The following CA10 variants were observed in gnomAD, a reference collection of about 807,000 sequenced individuals.
The protein encoded by CA10 is carbonic anhydrase-related protein 10.
In CA10, 14 loss-of-function variants were observed where a neutral mutation model predicts 44.2. That is an observed-to-expected ratio of 0.32 (90% CI 0.21 to 0.50). CA10 has a LOEUF of 0.50. Among genes scored for constraint, CA10 ranks in the 20% least tolerant of loss-of-function variants. The pLI is 0.99. For synonymous variants in CA10, 159 were observed against 141.6 expected, an observed-to-expected ratio of 1.12 and a Z score of -0.87; for missense variants, 350 against 409.7, an observed-to-expected ratio of 0.85 and a Z score of 1.26.
chr17:51,870,317 T>G (rs1979744724), intron 3 of CA10, among the ~76,000 whole-genome samples: 1 of 152,228 alleles, frequency 6.6e-6, no homozygotes. Context: ...TTGCCCATCA[T>G]GAAAGAGCTG....
At chr17:52,085,552 C>T (rs1988095265) in intron 1 of CA10, among the ~76,000 whole-genome samples, 2 of 152,178 alleles carry the variant, frequency 1.3e-5, no homozygotes, top group African/African-American at 4.8e-5. Flanking sequence ...GCAAGTGTTC[C>T]AATGAAACTT....
Position 51,649,173 on chromosome 17 carries a change from C to G in CA10, c.634+9G>C. On this transcript the variant is annotated intron_variant, in intron 6 of 8. Transcript: ENST00000451037. Reference sequence around the variant, plus strand: ...ATAGTTGCTGTGGAGGAAATTGAACCAAACTTACTTTTATATGTTATTCTT... The same window carrying G: ...ATAGTTGCTGTGGAGGAAATTGAACGAAACTTACTTTTATATGTTATTCTT... The G allele has an allele frequency of 1.2e-6, 2 of 1,606,796 alleles. No homozygotes were observed. Among genetic ancestry groups the G allele is most frequent in the Non-Finnish European group, 1.7e-6 (2 of 1,173,456 alleles).
At chr17:52,095,390 T>C (rs776959708) in intron 1 of CA10, among the ~76,000 whole-genome samples, 3 of 152,202 alleles carry the variant, frequency 2.0e-5, no homozygotes, top group Non-Finnish European at 4.4e-5. Flanking sequence ...CATATTTTGA[T>C]TGGTGTGATA....
chr17:52,116,125 A>C (rs549433450), intron 1 of CA10, among the ~76,000 whole-genome samples: 4 of 151,640 alleles, frequency 2.6e-5, no homozygotes, highest in Non-Finnish European at 4.4e-5. Context: ...CCTGTTGGAG[A>C]AACCCATTTA....
chr17:51,661,372 G>A (rs1357142478), intron 4 of CA10, among the ~76,000 whole-genome samples: 1 of 152,190 alleles, frequency 6.6e-6, no homozygotes, highest in Non-Finnish European at 1.5e-5. Context: ...TCTCTAATGG[G>A]AACCAAGACA....
Position 51,747,796 on chromosome 17 carries a change from GTGT to G in CA10, c.299_301del (p.Asn100del). The G allele has an allele frequency of 6.2e-7, 1 of 1,613,254 alleles. No homozygotes were observed. Among genetic ancestry groups the G allele is most frequent in the Non-Finnish European group, 8.5e-7 (1 of 1,179,570 alleles). ...CAGGCGAAGGGATACGTGTCTTCCA[GTGT>G]TGTACATGGTCCCACTGACCTGCAA... is the stretch of plus-strand genomic sequence containing the variant. On this transcript the variant is annotated inframe_deletion, in exon 4 of 9. Transcript: ENST00000451037.
chr17:51,904,451 A>G (rs1981454616), intron 3 of CA10, among the ~76,000 whole-genome samples: 1 of 152,032 alleles, frequency 6.6e-6, no homozygotes, highest in Non-Finnish European at 1.5e-5. Flanking sequence ...TGAATACTCA[A>G]TTAGCCACTG....
chr17:52,157,989 C>G lies in CA10; in HGVS notation c.-203G>C, dbSNP rs949810271. The G allele has an allele frequency of 1.3e-5, 8 of 612,900 alleles. No homozygotes were observed. Among genetic ancestry groups the G allele is most frequent in the Non-Finnish European group, 2.4e-5 (8 of 339,786 alleles). The allele number at this position is 612,900 out of a possible 1,614,324, so 38.0% of individuals were successfully genotyped here. The stretch of plus-strand genomic sequence containing the variant: ...GTTCCGGCAAATCTCCCCTCGGGCT[C>G]GACGGATGTGCGCCCCAGATGTGCT... On this transcript the variant is annotated 5_prime_UTR_variant, in exon 1 of 9. Coordinates refer to ENST00000451037, the MANE Select transcript of CA10 (RefSeq NM_020178.5).
intron 2 of CA10, among the ~76,000 whole-genome samples, chr17:51,944,978 C>T (rs73987325): frequency 0.046 from 7,030 of 152,150 alleles, 212 homozygotes; most frequent in African/African-American, 0.088. Context: ...TGGGATGATC[C>T]GGGTAGACCC....
intron 3 of CA10, among the ~76,000 whole-genome samples, chr17:51,787,486 T>G (rs746022358): frequency 4.1e-4 from 63 of 151,968 alleles, no homozygotes; most frequent in Non-Finnish European, 1.5e-4. Context: ...TTTTCTATTT[T>G]TCTTTTTTTT....
chr17:52,159,233 C>G (rs1202555152), upstream of CA10: 1 of 152,406 alleles, frequency 6.6e-6, no homozygotes, highest in Non-Finnish European at 1.5e-5. Flanking sequence ...TGCCCCCCAC[C>G]CTTTACCCCT....
At position 52,130,584 on chromosome 17, in the gene CA10, G is replaced by C. The variant is rs569640390; in HGVS notation, c.61+27142C>G. ...TATCGCATTATCTCACTTATATGTGGAACGTAATAAAGTTGAACTCATAGA... is the reference window on the plus strand; with the variant it reads ...TATCGCATTATCTCACTTATATGTGCAACGTAATAAAGTTGAACTCATAGA... On this transcript the variant is annotated intron_variant, in intron 1 of 8. Coordinates refer to ENST00000451037, the MANE Select transcript of CA10 (RefSeq NM_020178.5). Among the ~76,000 whole-genome samples, 10 of 152,298 alleles carry C rather than the reference G, an allele frequency of 6.6e-5. No individual in the cohort carries two copies. The East Asian group carries it at 1.9e-3, about 29-fold the overall frequency.
At position 51,805,581 on chromosome 17, in the gene CA10, A is replaced by T. The variant is rs1332050683; in HGVS notation, c.280-57763T>A. On this transcript the variant is annotated intron_variant, in intron 3 of 8. Coordinates refer to ENST00000451037, the MANE Select transcript of CA10 (RefSeq NM_020178.5). Reference sequence around the variant, plus strand: ...AGGTCCAAGTTCTAGTATTTTAAAAACTCCCCAAGAACATTTTTAAAAACA... The same window carrying T: ...AGGTCCAAGTTCTAGTATTTTAAAATCTCCCCAAGAACATTTTTAAAAACA... Among the ~76,000 whole-genome samples, 13 of 151,848 alleles carry T rather than the reference A, an allele frequency of 8.6e-5. 1 individual carries two copies. The South Asian group carries it at 2.7e-3, about 32-fold the overall frequency.
intron 2 of CA10, among the ~76,000 whole-genome samples, chr17:52,034,834 T>C (rs564794189): frequency 1.3e-5 from 2 of 152,208 alleles, no homozygotes; most frequent in South Asian, 4.2e-4. Context: ...ACAGCTCAAG[T>C]AGGTAGAGGA....
intron 2 of CA10, among the ~76,000 whole-genome samples, chr17:52,017,874 G>A (rs1023392212): frequency 1.4e-4 from 21 of 152,146 alleles, no homozygotes; most frequent in African/African-American, 4.6e-4. Context: ...CAGGCCCAGA[G>A]GCTTGGAAAG....
At chr17:51,980,351 G>A (rs1984612204) in intron 2 of CA10, among the ~76,000 whole-genome samples, 2 of 151,988 alleles carry the variant, frequency 1.3e-5, no homozygotes, top group Admixed American at 1.3e-4. Flanking sequence ...GTCCCTTCAT[G>A]TCCTTTGCCC....
At chr17:51,922,442 C>T (rs1016915521) in intron 3 of CA10, among the ~76,000 whole-genome samples, 3 of 152,154 alleles carry the variant, frequency 2.0e-5, no homozygotes, top group African/African-American at 7.2e-5. Context: ...CTAACCACAA[C>T]TTTTTAAAGT....
intron 3 of CA10, among the ~76,000 whole-genome samples, chr17:51,840,511 ACACACG>A (rs898452061): frequency 1.5e-5 from 2 of 137,728 alleles, no homozygotes; most frequent in Admixed American, 7.4e-5. Context: ...ACACACACAC[ACACACG>A]TACTATAGTT....
chr17:52,060,746 C>T (rs962035), intron 2 of CA10, among the ~76,000 whole-genome samples: 15,333 of 152,138 alleles, frequency 0.1, 812 homozygotes, highest in South Asian at 0.14. Context: ...ATAAGCAGAA[C>T]AGTACTATTG....
Sources: allele counts gnomAD v4.1 joint callset (sites outside exome capture counted in the v4.1 genomes callset), GRCh38; gene constraint gnomAD v4.1.1; transcripts MANE v1.5; gene names NCBI Gene and HGNC (gene_info 2026-07-23, HGNC 2026-07-21).